CDC45: variants seen among roughly 807,000 people sequenced by gnomAD.
CDC45 encodes the protein cell division cycle 45, also known as cell division control protein 45 homolog.
In CDC45, 54 loss-of-function variants were observed where a neutral mutation model predicts 77.8. That is an observed-to-expected ratio of 0.69 (90% CI 0.56 to 0.87). CDC45 has a LOEUF of 0.87. CDC45 is among the 40% of genes least tolerant of loss of function. CDC45 has a pLI of 0.00. For missense variants in CDC45, 649 were observed against 721.6 expected (o/e 0.90, Z 1.15); for synonymous variants, 260 against 272.1 (o/e 0.96, Z 0.44).
chr22:19,493,242 GTTTTGTT>G (rs1555874644), intron 5 of CDC45, among the ~76,000 whole-genome samples: 4 of 147,752 alleles, frequency 2.7e-5, no homozygotes, highest in African/African-American at 1.0e-4. Flanking sequence ...TTTTTTTGTT[GTTTTGTT>G]TTGTTTTGTT....
intron 4 of CDC45, 53 bp from the exon 5 acceptor site, chr22:19,483,809 A>G: frequency 6.6e-7 from 1 of 1,523,188 alleles, no homozygotes; most frequent in Admixed American, 1.8e-5. Flanking sequence ...AACATATTGT[A>G]TAGTTTTCCG....
chr22:19,504,837 G>C (rs1933070730), intron 9 of CDC45, among the ~76,000 whole-genome samples: 1 of 152,174 alleles, frequency 6.6e-6, no homozygotes, highest in Non-Finnish European at 1.5e-5. Flanking sequence ...CTACGGAGCA[G>C]TTAGGGGAAC....
chr22:19,490,344 TTTA>T (rs1382741298), intron 5 of CDC45, among the ~76,000 whole-genome samples: 1 of 152,046 alleles, frequency 6.6e-6, no homozygotes. Flanking sequence ...CTCTGTTTTT[TTTA>T]TTCTATTTTT....
At chr22:19,480,815 T>C (rs774175070) in intron 2 of CDC45, 138 bp from the exon 3 acceptor site, 8 of 584,782 alleles carry the variant, frequency 1.4e-5, no homozygotes, top group Non-Finnish European at 2.5e-5. Context: ...CACCTAGCTT[T>C]TCCCGTAAGC....
upstream of CDC45, chr22:19,479,695 C>A: frequency 1.4e-6 from 1 of 693,272 alleles, no homozygotes; most frequent in East Asian, 2.8e-5. Context: ...TGGGTAAAAG[C>A]GAGTCAGAGT....
intron 15 of CDC45, among the ~76,000 whole-genome samples, 177 bp downstream of exon 15, chr22:19,515,225 C>T (rs1258443394): frequency 6.6e-6 from 1 of 152,192 alleles, no homozygotes; most frequent in African/African-American, 2.4e-5. Flanking sequence ...AGGAACCTTC[C>T]AGTTCTCTCA....
intron 13 of CDC45, among the ~76,000 whole-genome samples, chr22:19,508,982 T>C (rs1056676802): frequency 1.3e-5 from 2 of 152,232 alleles, no homozygotes; most frequent in Non-Finnish European, 2.9e-5. Flanking sequence ...TTATTTGTTA[T>C]GTATATTCGT....
At position 19,482,679 on chromosome 22, in the gene CDC45, C is replaced by A. The variant is rs1383338372; in HGVS notation, c.205-11C>A. The A allele has an allele frequency of 2.5e-6, 4 of 1,611,992 alleles. No homozygotes were observed. Among genetic ancestry groups the A allele is most frequent in the Non-Finnish European group, 3.4e-6 (4 of 1,178,336 alleles). On this transcript the variant is annotated splice_polypyrimidine_tract_variant and intron_variant, in intron 3 of 18. Coordinates refer to ENST00000263201, the MANE Select transcript of CDC45 (RefSeq NM_003504.5). Reference sequence around the variant, plus strand: ...GATATAGCTACTTTACAATATCTTCCTTTTTTTCAGTTTCATTATTTTATT... The same window carrying A: ...GATATAGCTACTTTACAATATCTTCATTTTTTTCAGTTTCATTATTTTATT...
At chr22:19,486,745 C>G (rs1012759160) in intron 5 of CDC45, among the ~76,000 whole-genome samples, 7 of 152,086 alleles carry the variant, frequency 4.6e-5, no homozygotes, top group Non-Finnish European at 1.5e-5. Flanking sequence ...TGCAGTGGTA[C>G]GATCTCGGCT....
At chr22:19,505,538 G>C in intron 10 of CDC45, 57 bp downstream of exon 10, 4 of 1,599,438 alleles carry the variant, frequency 2.5e-6, no homozygotes, top group Non-Finnish European at 3.4e-6. Context: ...AGCAGGCCTT[G>C]TTTGCTTTGT....
chr22:19,505,587 A>G lies in CDC45; in HGVS notation c.824+106A>G. ...TTCTGGCCACATCCCCAGGAGGGAA[A>G]GCAGGTGGGGCAGGAAGTTTTGGGG... is the stretch of plus-strand genomic sequence containing the variant. On this transcript the variant is annotated intron_variant, in intron 10 of 18. Transcript: ENST00000263201. 3.8e-6 allele frequency: 5 copies of G among 1,315,348 alleles called. No individual in the cohort carries two copies. The South Asian group carries it at 6.4e-5, about 17-fold the overall frequency. The allele number at this position is 1,315,348 out of a possible 1,614,324, so 81.5% of individuals were successfully genotyped here. A position where few individuals can be genotyped will look rare whatever the true frequency, so the allele number is the denominator to read the frequency against.
chr22:19,481,505 A>T (rs908074780), intron 3 of CDC45, among the ~76,000 whole-genome samples: 4 of 151,746 alleles, frequency 2.6e-5, no homozygotes, highest in Admixed American at 2.6e-4. Context: ...CAGCCTCCTG[A>T]GTAGCTGGGA....
Position 19,507,428 on chromosome 22 carries a change from C to T in CDC45, c.867C>T (p.Ser289=), listed in dbSNP as rs1201836105. 1 of 1,614,014 alleles carries T rather than the reference C, an allele frequency of 6.2e-7. No homozygotes were observed. The highest frequency in any genetic ancestry group is 1.3e-5 in the African/African-American group (1 of 74,924). ...ACCAGCACTGGTCCCTCCATGACAG[C>T]CTGTGCAACACCAGCTATACCGCAG... ...VLYQHWSLHD[S]LCNTSYTAAR... Residue 289 remains serine (S), a synonymous_variant, in exon 11 of 19, where the codon AGC becomes AGT. Transcript: ENST00000263201.
chr22:19,482,855 G>A lies in CDC45; in HGVS notation c.342+28G>A, dbSNP rs1047758472. 3 of 1,610,044 alleles carry A rather than the reference G, an allele frequency of 1.9e-6. No homozygotes were observed. In the African/African-American group the frequency reaches 4.0e-5, roughly 22 times the overall value. On this transcript the variant is annotated intron_variant, in intron 4 of 18. Coordinates refer to ENST00000263201, the MANE Select transcript of CDC45 (RefSeq NM_003504.5). ...ACTTTTTGTGCTATGCCCTCAAACTGTCTGTACTTTTTATGCCATGTACAA... is the reference window on the plus strand; with the variant it reads ...ACTTTTTGTGCTATGCCCTCAAACTATCTGTACTTTTTATGCCATGTACAA...
At position 19,510,436 on chromosome 22, in the gene CDC45, A is replaced by G. The variant is rs139727054; in HGVS notation, c.1217+1745A>G. 4.6e-3 allele frequency among the ~76,000 whole-genome samples: 694 copies of G among 152,316 alleles called. 9 individuals carry two copies. The highest frequency in any genetic ancestry group is 0.016 in the African/African-American group (653 of 41,564). On this transcript the variant is annotated intron_variant, in intron 13 of 18. Coordinates refer to ENST00000263201, the MANE Select transcript of CDC45 (RefSeq NM_003504.5). ...CTGAGCATTTCATACAAATGGGATCATATAAGATATGGTTCTTTGTGACCG... is the reference window on the plus strand; with the variant it reads ...CTGAGCATTTCATACAAATGGGATCGTATAAGATATGGTTCTTTGTGACCG...
In CDC45 at chr22:19,515,040, G is replaced by A. The variant is rs1293363078; in HGVS notation, c.1432G>A (p.Val478Met). The change falls in exon 15 of 19, where the codon GTG becomes ATG. Residue 478 changes from valine (V) to methionine (M), a missense_variant. Coordinates refer to ENST00000263201, the MANE Select transcript of CDC45 (RefSeq NM_003504.5). ...CAGCAAACACCTGCTCAAGTCCTTT[G>A]TGTGTTCGGTGAGGGGCCAGGCGGG... Reference protein sequence around the residue: ...LLSKHLLKSFVCSTKNRRCKL... With the variant: ...LLSKHLLKSFMCSTKNRRCKL... The A allele has an allele frequency of 6.2e-7, 1 of 1,604,434 alleles. No homozygotes were observed. Among genetic ancestry groups the A allele is most frequent in the Non-Finnish European group, 8.5e-7 (1 of 1,173,700 alleles).
chr22:19,486,310 T>G (rs1311390264), intron 5 of CDC45, among the ~76,000 whole-genome samples: 1 of 152,268 alleles, frequency 6.6e-6, no homozygotes, highest in Non-Finnish European at 1.5e-5. Context: ...TCATGTAATA[T>G]TCAGCCCATA....
chr22:19,497,366 A>C lies in CDC45; in HGVS notation c.592-20A>C. 6.2e-7 allele frequency: 1 copy of C among 1,613,252 alleles called. No individual in the cohort carries two copies. Among genetic ancestry groups the C allele is most frequent in the Non-Finnish European group, 8.5e-7 (1 of 1,179,412 alleles). On this transcript the variant is annotated intron_variant, in intron 7 of 18. Transcript: ENST00000263201. The stretch of plus-strand genomic sequence containing the variant: ...CACATGCCCCTCCCATGAGCCTTAG[A>C]CTTCTCTGCTTCCTTACAGTCAGCC...
intron 5 of CDC45, among the ~76,000 whole-genome samples, chr22:19,486,913 T>C (rs995184360): frequency 2.0e-5 from 3 of 152,116 alleles, no homozygotes; most frequent in Admixed American, 6.5e-5. Flanking sequence ...CCTGACCTCA[T>C]GATCCTCCCA....
Sources: gnomAD v4.1 joint callset for allele counts (sites outside exome capture counted in the v4.1 genomes callset) on GRCh38, gnomAD v4.1.1 for gene constraint, MANE v1.5 for transcripts, NCBI Gene and HGNC (gene_info 2026-07-23, HGNC 2026-07-21) for gene names.